Variants in PPARGC1A observed in about 807,000 individuals in gnomAD.
The protein encoded by PPARGC1A is PPARG coactivator 1 alpha.
A neutral mutation model predicts 88.7 loss-of-function variants in PPARGC1A; 25 were observed. That is an observed-to-expected ratio of 0.28 (90% CI 0.21 to 0.39). PPARGC1A has a LOEUF of 0.39. PPARGC1A is among the 10% of genes least tolerant of loss of function. The pLI is 1.00. For missense variants in PPARGC1A, 880 were observed against 968.7 expected (o/e 0.91, Z 1.22); for synonymous variants, 363 against 355.6 (o/e 1.02, Z -0.24).
the PPARGC1A span, among the ~76,000 whole-genome samples, chr4:24,129,650 T>C: frequency 2.6e-5 from 4 of 152,188 alleles, no homozygotes; most frequent in Non-Finnish European, 5.9e-5. Context: ...ACTGGGTATA[T>C]ACCCAAAGGA....
chr4:24,039,714 G>A, the PPARGC1A span, among the ~76,000 whole-genome samples: 1 of 152,082 alleles, frequency 6.6e-6, no homozygotes, highest in Non-Finnish European at 1.5e-5. Flanking sequence ...AAAGAAAGAT[G>A]GTAATTCCTA....
chr4:24,092,370 C>G, the PPARGC1A span, among the ~76,000 whole-genome samples: 2 of 152,166 alleles, frequency 1.3e-5, no homozygotes, highest in African/African-American at 4.8e-5. Flanking sequence ...ATGCTGTCTC[C>G]TGATACTAAG....
At chr4:24,089,509 TC>T in the PPARGC1A span, among the ~76,000 whole-genome samples, 5,027 of 98,132 alleles carry the variant, frequency 0.051, 401 homozygotes, top group African/African-American at 0.14. Context: ...TCTTTTCTTT[TC>T]TTTCTTTTTT....
At chr4:24,064,934 T>C in the PPARGC1A span, among the ~76,000 whole-genome samples, 1 of 152,158 alleles carries the variant, frequency 6.6e-6, no homozygotes, top group Non-Finnish European at 1.5e-5. Flanking sequence ...ATTATCACTC[T>C]AGAACAAAGA....
intron 1 of PPARGC1A, among the ~76,000 whole-genome samples, chr4:23,897,579 T>A (rs1718750296): frequency 6.6e-6 from 1 of 152,144 alleles, no homozygotes; most frequent in South Asian, 2.1e-4. Context: ...TTGCACAGGG[T>A]GAATCCAAAT....
the PPARGC1A span, among the ~76,000 whole-genome samples, chr4:24,161,010 T>C: frequency 6.6e-6 from 1 of 152,188 alleles, no homozygotes; most frequent in African/African-American, 2.4e-5. Context: ...AGTTTTCAGA[T>C]CTTTCATAGC....
At chr4:24,207,653 A>G in the PPARGC1A span, among the ~76,000 whole-genome samples, 13 of 152,230 alleles carry the variant, frequency 8.5e-5, no homozygotes, top group Non-Finnish European at 1.8e-4. Context: ...TCCTAAATTT[A>G]TCAAGCATTG....
chr4:24,453,200 A>G, the PPARGC1A span, among the ~76,000 whole-genome samples: 5 of 152,344 alleles, frequency 3.3e-5, no homozygotes, highest in Admixed American at 2.0e-4. Context: ...CTGAGAAGGA[A>G]CCAAATCTGC....
At chr4:23,917,039 G>T in the PPARGC1A span, among the ~76,000 whole-genome samples, 2 of 152,154 alleles carry the variant, frequency 1.3e-5, no homozygotes, top group African/African-American at 4.8e-5. Context: ...CTTGTTCCCC[G>T]CACATGCTAC....
At chr4:24,123,360 C>T in the PPARGC1A span, among the ~76,000 whole-genome samples, 1 of 152,174 alleles carries the variant, frequency 6.6e-6, no homozygotes, top group Non-Finnish European at 1.5e-5. Context: ...TCCTGCACCT[C>T]ACAGCTAATG....
chr4:23,830,430 A>G (rs60775589), intron 3 of PPARGC1A, among the ~76,000 whole-genome samples: 37 of 152,338 alleles, frequency 2.4e-4, no homozygotes, highest in South Asian at 2.1e-4. Context: ...AACAAATTGA[A>G]TAGATGAAAA....
At chr4:23,961,457 T>C in the PPARGC1A span, among the ~76,000 whole-genome samples, 9 of 151,874 alleles carry the variant, frequency 5.9e-5, no homozygotes, top group South Asian at 1.9e-3. Flanking sequence ...AGACTAGACA[T>C]CGCCCCTGCT....
intron 2 of PPARGC1A, among the ~76,000 whole-genome samples, chr4:23,876,564 C>T (rs1165901824): frequency 6.6e-6 from 1 of 152,126 alleles, no homozygotes. Flanking sequence ...ATAAATCATG[C>T]TGATTTGGCG....
upstream of PPARGC1A, among the ~76,000 whole-genome samples, chr4:23,905,811 T>C (rs2148890800): frequency 6.6e-6 from 1 of 152,354 alleles, no homozygotes; most frequent in East Asian, 1.9e-4. Flanking sequence ...AAGACAGTCT[T>C]ATTTGGCATC....
At chr4:23,970,464 C>T in the PPARGC1A span, among the ~76,000 whole-genome samples, 2 of 152,156 alleles carry the variant, frequency 1.3e-5, no homozygotes, top group African/African-American at 4.8e-5. Flanking sequence ...AGCCTGGCCC[C>T]TCCAGTTTTT....
At chr4:23,959,212 G>A in the PPARGC1A span, among the ~76,000 whole-genome samples, 1 of 152,028 alleles carries the variant, frequency 6.6e-6, no homozygotes, top group African/African-American at 2.4e-5. Flanking sequence ...CTCCTCAATG[G>A]AGTCAACATG....
rs1037453335 is a variant in PPARGC1A at position 23,795,915 on chromosome 4, T to C, written c.2304A>G (p.Ser768=). 2.5e-6 allele frequency: 4 copies of C among 1,611,076 alleles called. No individual in the cohort carries two copies. Among genetic ancestry groups the C allele is most frequent in the Non-Finnish European group, 3.4e-6 (4 of 1,178,562 alleles). ...KSNYADLDSN[S]DDFDPASTKS... ...TGGTGGAAGCAGGGTCAAAGTCATCTGAGTTTGAATCTGAAAAAAAACACA... is the reference window on the plus strand; with the variant it reads ...TGGTGGAAGCAGGGTCAAAGTCATCCGAGTTTGAATCTGAAAAAAAACACA... The change falls in exon 13 of 13, where the codon TCA becomes TCG. Residue 768 remains serine (S), a synonymous_variant. Coordinates refer to ENST00000264867, the MANE Select transcript of PPARGC1A (RefSeq NM_013261.5).
At chr4:24,135,596 C>T in the PPARGC1A span, among the ~76,000 whole-genome samples, 1 of 152,066 alleles carries the variant, frequency 6.6e-6, no homozygotes, top group African/African-American at 2.4e-5. Context: ...AGTTTGACTC[C>T]CTGTTCTCCT....
At chr4:24,405,387 G>A in the PPARGC1A span, among the ~76,000 whole-genome samples, 2 of 152,166 alleles carry the variant, frequency 1.3e-5, no homozygotes, top group Non-Finnish European at 2.9e-5. Flanking sequence ...AGAGAGAAGA[G>A]CGAGAGCTTT....
Sources: gnomAD v4.1 joint callset for allele counts (sites outside exome capture counted in the v4.1 genomes callset) on GRCh38, gnomAD v4.1.1 for gene constraint, MANE v1.5 for transcripts, NCBI Gene and HGNC (gene_info 2026-07-23, HGNC 2026-07-21) for gene names.